The following BCL3 variants were observed in gnomAD, a reference collection of about 807,000 sequenced individuals.
BCL3 encodes BCL3 transcription coactivator.
BCL3 carries 15 observed loss-of-function variants against 35.7 expected under a neutral mutation model. The ratio of observed to expected loss-of-function variants is 0.42; its 90% CI spans 0.28 to 0.65. The LOEUF (loss-of-function observed/expected upper bound fraction) is 0.65. Among genes scored for constraint, BCL3 ranks in the 30% least tolerant of loss-of-function variants. The pLI is 0.22. For synonymous variants in BCL3, 311 were observed against 284.3 expected, an observed-to-expected ratio of 1.09 and a Z score of -0.95; for missense variants, 565 against 641.7, an observed-to-expected ratio of 0.88 and a Z score of 1.29.
rs749747006 is a variant in BCL3 at position 44,757,356 on chromosome 19, A to T, written c.754A>T (p.Thr252Ser). The stretch of plus-strand genomic sequence containing the variant: ...CACCGCCCTGCACGTGGCAGTGAAC[A>T]CCGAGTGCCAAGAAACCGTGCAGCT... Reference protein sequence around the residue: ...GLTALHVAVNTECQETVQLLL... With the variant: ...GLTALHVAVNSECQETVQLLL... The change falls in exon 5 of 9, where the codon ACC becomes TCC. Residue 252 changes from threonine (T) to serine (S), a missense_variant. This residue lies in a region of BCL3 where 103 missense variants were observed against 106.7 expected (regional missense o/e 0.97). Coordinates refer to ENST00000164227, the MANE Select transcript of BCL3 (RefSeq NM_005178.5). The surrounding 1 kb of genome is among the most constrained non-coding windows in gnomAD (Gnocchi z 8.4). The T allele has an allele frequency of 6.2e-7, 1 of 1,606,570 alleles. No individual in the cohort carries two copies. Among genetic ancestry groups the T allele is most frequent in the Non-Finnish European group, 8.5e-7 (1 of 1,176,730 alleles).
At chr19:44,749,593 T>C (rs1430351469) in intron 1 of BCL3, among the ~76,000 whole-genome samples, 3 of 151,752 alleles carry the variant, frequency 2.0e-5, no homozygotes, top group Non-Finnish European at 4.4e-5. Flanking sequence ...AGAGATGGGG[T>C]TCTGAGCACC....
At chr19:44,758,440 C>A (rs1450783813) in intron 7 of BCL3, 27 bp downstream of exon 7, 3 of 1,532,046 alleles carry the variant, frequency 2.0e-6, no homozygotes, top group Admixed American at 2.1e-5. Flanking sequence ...GTGGACATGC[C>A]CCTTGCACAC....
chr19:44,748,069 C>T (rs1274904934), upstream of BCL3: 7 of 1,343,806 alleles, frequency 5.2e-6, 1 homozygote, highest in South Asian at 2.5e-5. Flanking sequence ...CGTCTCTTCA[C>T]TCCCACTAAG....
chr19:44,750,799 G>A (rs1257457668), intron 1 of BCL3, among the ~76,000 whole-genome samples: 1 of 152,028 alleles, frequency 6.6e-6, no homozygotes, highest in East Asian at 1.9e-4. Context: ...AATTTGAACA[G>A]GCTTCTGGTA....
chr19:44,757,263 C>T lies in BCL3; in HGVS notation c.724+42C>T, dbSNP rs1967310424. On this transcript the variant is annotated intron_variant, in intron 4 of 8. Coordinates refer to ENST00000164227, the MANE Select transcript of BCL3 (RefSeq NM_005178.5). The surrounding 1 kb of genome is among the most constrained non-coding windows in gnomAD (Gnocchi z 8.4). ...GGGCACCGCTGGGCTGTCCAGCGGA[C>T]CTGGAGTCCATCAGCGGCCGCAAAG... is the stretch of plus-strand genomic sequence containing the variant. 6.4e-7 allele frequency: 1 copy of T among 1,557,476 alleles called. No homozygotes were observed. The highest frequency in any genetic ancestry group is 8.7e-7 in the Non-Finnish European group (1 of 1,148,964).
rs1967331206 is a variant in BCL3 at position 44,757,943 on chromosome 19, G to T, written c.891+220G>T. Among the ~76,000 whole-genome samples the T allele has an allele frequency of 6.6e-6, 1 of 152,188 alleles. No homozygotes were observed. The highest frequency in any genetic ancestry group is 2.4e-5 in the African/African-American group (1 of 41,460). On this transcript the variant is annotated intron_variant, in intron 6 of 8. Transcript: ENST00000164227. The surrounding 1 kb of genome is among the most constrained non-coding windows in gnomAD (Gnocchi z 8.4). ...CTCCTCTGCCACCTCAACGGCCTAG[G>T]CCCCGCCCTGCGATGGCCTGGCTGA...
chr19:44,752,204 C>CT lies in BCL3; in HGVS notation c.410+836dup, dbSNP rs914729674. On this transcript the variant is annotated intron_variant, in intron 2 of 8. Coordinates refer to ENST00000164227, the MANE Select transcript of BCL3 (RefSeq NM_005178.5). Reference sequence around the variant, plus strand: ...TTTCTTTTTTTCTTTTTTTCTTTTTCTTTTTTTTTTTTCTGAGACAGGGTC... The same window carrying CT: ...TTTCTTTTTTTCTTTTTTTCTTTTTCTTTTTTTTTTTTTCTGAGACAGGGTC... Among the ~76,000 whole-genome samples the CT allele has an allele frequency of 1.9e-3, 258 of 138,826 alleles. 1 individual carries two copies. Among genetic ancestry groups the CT allele is most frequent in the African/African-American group, 4.7e-3 (179 of 37,974 alleles). The allele number at this position is 138,826 out of a possible 152,430, so 91.1% of individuals were successfully genotyped here.
At chr19:44,749,681 C>T (rs1433938078) in intron 1 of BCL3, among the ~76,000 whole-genome samples, 1 of 151,964 alleles carries the variant, frequency 6.6e-6, no homozygotes, top group Non-Finnish European at 1.5e-5. Flanking sequence ...TCTTGAGGAC[C>T]CAGGAGAACA....
chr19:44,747,993 A>G, upstream of BCL3: 2 of 1,301,746 alleles, frequency 1.5e-6, no homozygotes, highest in South Asian at 1.3e-5. Context: ...AGTGGCAGAG[A>G]TGGAAGAGGG....
At position 44,759,474 on chromosome 19, in the gene BCL3, C is replaced by G. The variant is rs747569162; in HGVS notation, c.1224C>G (p.Pro408=). 4 of 1,612,258 alleles carry G rather than the reference C, an allele frequency of 2.5e-6. No individual in the cohort carries two copies. The African/African-American group carries it at 5.4e-5, about 22-fold the overall frequency. Residue 408 remains proline, a synonymous_variant, in exon 9 of 9, where the codon CCC becomes CCG. Transcript: ENST00000164227. ...SPSSSPSQSP[P]RDPPGFPMAP... is the part of the protein sequence containing the mutation. ...CCTCCTCACCCTCCCAGTCTCCCCC[C>G]AGGGACCCCCCTGGATTCCCCATGG...
At chr19:44,756,049 G>A in intron 2 of BCL3, 183 bp from the exon 3 acceptor site, 1 of 406,962 alleles carries the variant, frequency 2.5e-6, no homozygotes, top group Non-Finnish European at 4.3e-6. Flanking sequence ...GCCAGTGGTG[G>A]CTAAAGCAGG....
intron 3 of BCL3, among the ~76,000 whole-genome samples, chr19:44,756,745 G>A (rs1460640931): frequency 6.6e-6 from 1 of 151,648 alleles, no homozygotes; most frequent in Non-Finnish European, 1.5e-5. Context: ...TTCCTGAGAG[G>A]GAGGGGGCCT....
upstream of BCL3, chr19:44,748,674 G>A (rs1327434482): frequency 9.6e-7 from 1 of 1,039,794 alleles, no homozygotes; most frequent in Non-Finnish European, 1.2e-6. Context: ...GCACCGCCCC[G>A]GCCGACAAAA....
chr19:44,758,808 T>C lies in BCL3; in HGVS notation c.1144T>C (p.Ser382Pro). The change falls in exon 8 of 9, where the codon TCC (serine) becomes CCC (proline). Residue 382 changes from serine (S) to proline (P), a missense_variant. Ser to Pro is a moderately conservative substitution (Grantham distance 74). Transcript: ENST00000164227. ...CTCCCCTGACCGGAGCGCCAACACCTCCCCCGAGAGCAGCAGCCGCCTCAG... is the reference window on the plus strand; with the variant it reads ...CTCCCCTGACCGGAGCGCCAACACCCCCCCCGAGAGCAGCAGCCGCCTCAG... The part of the protein sequence containing the change: ...DPSPDRSANT[S>P]PESSSRLSSN... 6.2e-7 allele frequency: 1 copy of C among 1,600,958 alleles called. No individual in the cohort carries two copies.
chr19:44,751,139 C>G lies in BCL3; in HGVS notation c.257-88C>G. 7 of 1,511,984 alleles carry G rather than the reference C, an allele frequency of 4.6e-6. No individual in the cohort carries two copies. In the South Asian group the frequency reaches 7.6e-5, roughly 16 times the overall value. 93.7% of individuals were successfully genotyped at this position (1,511,984 alleles called of 1,614,324 possible). ...CCAGGAGAAAGGGCAGGTGACACCA[C>G]AGGAGCAAAGTTTTAGAAGTGGGGG... On this transcript the variant is annotated intron_variant, in intron 1 of 8. Transcript: ENST00000164227.
rs1217122859 is a variant in BCL3 at position 44,759,719 on chromosome 19, C to A, written c.*104C>A. ...AAGATCTCACTCTGCCCCCCCCCCC[C>A]ATCTTCGGGACCAGGATTTGCACAG... On this transcript the variant is annotated 3_prime_UTR_variant, in exon 9 of 9. Coordinates refer to ENST00000164227, the MANE Select transcript of BCL3 (RefSeq NM_005178.5). 3.9e-5 allele frequency: 24 copies of A among 614,396 alleles called. No individual in the cohort carries two copies. In the East Asian group the frequency reaches 6.2e-4, roughly 16 times the overall value. The allele number at this position is 614,396 out of a possible 1,614,324, so 38.1% of individuals were successfully genotyped here.
At chr19:44,747,868 C>A, upstream of BCL3, 1 of 1,147,136 alleles carries the variant, frequency 8.7e-7, no homozygotes, top group Non-Finnish European at 1.1e-6. Context: ...CGGTGCCCCG[C>A]GGGCCCCGGC....
intron 2 of BCL3, among the ~76,000 whole-genome samples, chr19:44,755,813 G>C (rs1967269349): frequency 6.6e-6 from 1 of 152,228 alleles, no homozygotes; most frequent in Admixed American, 6.5e-5. Flanking sequence ...AGCTACTCAG[G>C]AGGCTGAGGT....
chr19:44,758,745 A>T lies in BCL3; in HGVS notation c.1081A>T (p.Lys361Ter). 1 of 1,602,870 alleles carries T rather than the reference A, an allele frequency of 6.2e-7. No homozygotes were observed. The highest frequency in any genetic ancestry group is 8.5e-7 in the Non-Finnish European group (1 of 1,175,616). Reference protein sequence around the residue: ...SRRVIDILRGKATRPASTSQP... With the variant: ...SRRVIDILRG ...ACAGGTCATCGACATCCTGAGGGGG[A>T]AGGCCACCCGGCCTGCTTCCACCTC... The change falls in exon 8 of 9, where the codon AAG becomes TAG. Residue 361 changes from lysine (K) to a stop codon, truncating the protein, a stop_gained. Coordinates refer to ENST00000164227, the MANE Select transcript of BCL3 (RefSeq NM_005178.5). LOFTEE classifies it high-confidence loss of function.
Sources: allele counts gnomAD v4.1 joint callset (sites outside exome capture counted in the v4.1 genomes callset), GRCh38; gene constraint gnomAD v4.1.1; regional missense constraint gnomAD v4.1.1; non-coding constraint Gnocchi (gnomAD v3.1); transcripts MANE v1.5; gene names NCBI Gene and HGNC (gene_info 2026-07-23, HGNC 2026-07-21).